DIS3L2: variants seen among roughly 807,000 people sequenced by gnomAD.
DIS3L2 encodes DIS3-like exonuclease 2.
Under a neutral mutation model 97.5 loss-of-function variants are expected in DIS3L2, and 34 were observed. That is an observed-to-expected ratio of 0.35 (90% CI 0.27 to 0.46). The LOEUF (loss-of-function observed/expected upper bound fraction) is 0.46, where lower values mean the gene tolerates loss of function less well. Ranked by LOEUF, DIS3L2 falls within the 20% of genes least tolerant of loss-of-function variation. DIS3L2 has a pLI of 1.00. For missense variants in DIS3L2, 1,038 were observed against 1,146.0 expected (o/e 0.91, Z 1.36); for synonymous variants, 435 against 445.2 (o/e 0.98, Z 0.29).
At chr2:232,160,105 A>G (rs1218710153) in intron 8 of DIS3L2, among the ~76,000 whole-genome samples, 1 of 152,212 alleles carries the variant, frequency 6.6e-6, no homozygotes, top group Non-Finnish European at 1.5e-5. Flanking sequence ...TGGTTTTGAT[A>G]TCAAGGTACT....
At position 232,281,884 on chromosome 2, in the gene DIS3L2, G is replaced by C. The variant is rs971921369; in HGVS notation, c.1660-18156G>C. On this transcript the variant is annotated intron_variant, in intron 13 of 20. Transcript: ENST00000325385. This position sits in a 1 kb window ranked among gnomAD's most constrained non-coding sequence, Gnocchi z 4.1. The stretch of plus-strand genomic sequence containing the variant: ...CTGCCTCTGAGTTAAAGAGACATGG[G>C]AAGCATCGGGATTGCTCATACCTCC... Among the ~76,000 whole-genome samples the C allele has an allele frequency of 1.3e-5, 2 of 152,114 alleles. No homozygotes were observed. Among genetic ancestry groups the C allele is most frequent in the Non-Finnish European group, 2.9e-5 (2 of 68,022 alleles).
At chr2:232,078,191 G>A (rs138084972) in intron 5 of DIS3L2, among the ~76,000 whole-genome samples, 1,709 of 151,744 alleles carry the variant, frequency 0.011, 19 homozygotes, top group Non-Finnish European at 0.016. Context: ...CTACAGGCGC[G>A]TGCCACTACA....
intron 5 of DIS3L2, among the ~76,000 whole-genome samples, chr2:232,054,267 C>T (rs537654244): frequency 4.6e-5 from 7 of 152,242 alleles, no homozygotes; most frequent in Admixed American, 3.3e-4. Flanking sequence ...GAGAACATAT[C>T]ATTGAATATA....
chr2:232,274,660 G>A (rs575348172), intron 13 of DIS3L2, among the ~76,000 whole-genome samples: 1 of 152,278 alleles, frequency 6.6e-6, no homozygotes, highest in South Asian at 2.1e-4. Context: ...AGAGCCTGCA[G>A]TCTTATTAAG....
At chr2:232,324,953 C>T (rs1024862004) in intron 14 of DIS3L2, among the ~76,000 whole-genome samples, 1 of 152,316 alleles carries the variant, frequency 6.6e-6, no homozygotes, top group East Asian at 1.9e-4. Flanking sequence ...CAACCCCTAC[C>T]ACCTGCCAGA....
intron 14 of DIS3L2, among the ~76,000 whole-genome samples, chr2:232,305,724 G>A (rs1440030370): frequency 6.6e-6 from 1 of 152,098 alleles, no homozygotes. Flanking sequence ...GGAGGCCGAG[G>A]CAGAAGGATC....
At chr2:232,101,157 G>A (rs1253752334) in intron 6 of DIS3L2, among the ~76,000 whole-genome samples, 2 of 151,626 alleles carry the variant, frequency 1.3e-5, no homozygotes, top group Non-Finnish European at 2.9e-5. Flanking sequence ...ACTTGAACCC[G>A]GGAGGCAGAG....
At chr2:232,237,416 C>G (rs993770882) in intron 10 of DIS3L2, among the ~76,000 whole-genome samples, 1 of 152,162 alleles carries the variant, frequency 6.6e-6, no homozygotes, top group African/African-American at 2.4e-5. Context: ...AAAAGACAGA[C>G]CGACTGTTGA....
At chr2:232,287,592 T>C (rs188498077) in intron 13 of DIS3L2, among the ~76,000 whole-genome samples, 1 of 152,074 alleles carries the variant, frequency 6.6e-6, no homozygotes, top group African/African-American at 2.4e-5. Context: ...GAGGTCTCGC[T>C]CTGTTGCCCA....
chr2:232,208,358 T>A (rs1355609635), intron 9 of DIS3L2, among the ~76,000 whole-genome samples: 1 of 151,802 alleles, frequency 6.6e-6, no homozygotes, highest in Non-Finnish European at 1.5e-5. Flanking sequence ...TTGCCCAGGC[T>A]GGAATGCAGT....
chr2:232,163,439 C>T lies in DIS3L2; in HGVS notation c.951-20C>T, dbSNP rs201896227. On this transcript the variant is annotated intron_variant, in intron 8 of 20. Coordinates refer to ENST00000325385, the MANE Select transcript of DIS3L2 (RefSeq NM_152383.5). ...CATTTGTTTGCTAACCCAGTTATTC[C>T]GTTTCTGTTCTATCCATAGGCAGCT... The T allele has an allele frequency of 1.5e-4, 247 of 1,603,154 alleles. No homozygotes were observed. The highest frequency in any genetic ancestry group is 1.7e-4 in the Admixed American group (10 of 58,258).
intron 1 of DIS3L2, among the ~76,000 whole-genome samples, chr2:231,967,654 GAA>G (rs1280932496): frequency 6.6e-6 from 1 of 151,956 alleles, no homozygotes; most frequent in Admixed American, 6.6e-5. Context: ...TTTTGTAAAT[GAA>G]AAAAAGAATT....
At chr2:232,112,891 T>G (rs985650018) in intron 6 of DIS3L2, among the ~76,000 whole-genome samples, 6 of 151,670 alleles carry the variant, frequency 4.0e-5, no homozygotes, top group African/African-American at 1.5e-4. Context: ...GCTTGCCAAG[T>G]GAAAGAGGAT....
intron 11 of DIS3L2, among the ~76,000 whole-genome samples, chr2:232,240,556 G>A (rs1693052630): frequency 6.6e-6 from 1 of 152,214 alleles, no homozygotes; most frequent in African/African-American, 2.4e-5. Context: ...GTCCTCATCT[G>A]AGCAGGGGGA....
At chr2:232,309,223 AC>A (rs1253430687) in intron 14 of DIS3L2, among the ~76,000 whole-genome samples, 2 of 152,042 alleles carry the variant, frequency 1.3e-5, no homozygotes, top group Non-Finnish European at 2.9e-5. Context: ...CCCTTTGCCC[AC>A]TAGGTAGTGA....
At chr2:232,168,048 A>C (rs1690877130) in intron 9 of DIS3L2, among the ~76,000 whole-genome samples, 3 of 152,190 alleles carry the variant, frequency 2.0e-5, no homozygotes. Flanking sequence ...ACTCTGTCTC[A>C]AAAAAATAAA....
At chr2:232,336,446 C>G (rs1479536933) in intron 20 of DIS3L2, 23 bp from the exon 21 acceptor site, 1 of 1,602,130 alleles carries the variant, frequency 6.2e-7, no homozygotes, top group African/African-American at 1.3e-5. Flanking sequence ...ATCCTTGTCC[C>G]CTCACGGCTG....
intron 5 of DIS3L2, among the ~76,000 whole-genome samples, chr2:232,034,037 G>A (rs1574827017): frequency 1.3e-5 from 2 of 152,294 alleles, no homozygotes; most frequent in East Asian, 3.9e-4. Context: ...ACTTTCAGAA[G>A]GAATGATACC....
intron 1 of DIS3L2, among the ~76,000 whole-genome samples, chr2:231,984,719 A>G (rs1454054439): frequency 6.6e-6 from 1 of 152,036 alleles, no homozygotes; most frequent in African/African-American, 2.4e-5. Flanking sequence ...TCCCAGGTTC[A>G]AGCAAATCTC....
Sources: allele counts gnomAD v4.1 joint callset (sites outside exome capture counted in the v4.1 genomes callset), GRCh38; gene constraint gnomAD v4.1.1; non-coding constraint Gnocchi (gnomAD v3.1); transcripts MANE v1.5; gene names NCBI Gene and HGNC (gene_info 2026-07-23, HGNC 2026-07-21).